The following KCNMA1 variants were observed in gnomAD, a reference collection of about 807,000 sequenced individuals.
The protein encoded by KCNMA1 is potassium calcium-activated channel subfamily M alpha 1, also known as Calcium-activated potassium channel subunit alpha-1.
A neutral mutation model predicts 140.0 loss-of-function variants in KCNMA1; 29 were observed. That is an observed-to-expected ratio of 0.21 (90% confidence interval 0.15 to 0.28). The LOEUF (loss-of-function observed/expected upper bound fraction) is 0.28. KCNMA1 is among the 10% of genes least tolerant of loss of function. The pLI is 1.00. For synonymous variants in KCNMA1, 612 were observed against 611.9 expected (o/e 1.00, Z 0.00); for missense variants, 880 against 1,602.2 (o/e 0.55, Z 7.70).
At chr10:77,030,691 A>T (rs1322515782) in intron 15 of KCNMA1, among the ~76,000 whole-genome samples, 2 of 152,184 alleles carry the variant, frequency 1.3e-5, no homozygotes, top group African/African-American at 4.8e-5. Context: ...AACTGGATAT[A>T]AAAAGAAAAG....
At chr10:77,055,234 G>C (rs988699009) in intron 14 of KCNMA1, among the ~76,000 whole-genome samples, 3 of 152,138 alleles carry the variant, frequency 2.0e-5, no homozygotes, top group Non-Finnish European at 4.4e-5. Flanking sequence ...ATAAACAATG[G>C]CAGGTAGATT....
At chr10:77,125,089 C>T (rs1262928521) in intron 5 of KCNMA1, among the ~76,000 whole-genome samples, 1 of 152,098 alleles carries the variant, frequency 6.6e-6, no homozygotes, top group Non-Finnish European at 1.5e-5. Context: ...CCCCATGATT[C>T]AATTACCTTC....
chr10:77,001,445 GAAGA>G lies in KCNMA1; in HGVS notation c.2224_2227del (p.Ser742LeufsTer43). ...GGTGGAGCAATCATTAACAGAGACA[GAAGA>G]AAGTGGGAAGGCTCTCTCAAGGGTG... On this transcript the variant is annotated frameshift_variant, in exon 19 of 28. Coordinates refer to ENST00000286628, the MANE Select transcript of KCNMA1 (RefSeq NM_001161352.2). LOFTEE classifies it high-confidence loss of function. 6.4e-7 allele frequency: 1 copy of G among 1,551,742 alleles called. No individual in the cohort carries two copies. Among genetic ancestry groups the G allele is most frequent in the Non-Finnish European group, 8.7e-7 (1 of 1,146,972 alleles).
At chr10:77,101,818 C>T (rs934709656) in intron 9 of KCNMA1, among the ~76,000 whole-genome samples, 9 of 152,166 alleles carry the variant, frequency 5.9e-5, no homozygotes, top group Non-Finnish European at 1.2e-4. Flanking sequence ...TTGCCCAAGA[C>T]ACAAGTAAAC....
At chr10:77,421,713 A>G (rs139083362) in intron 1 of KCNMA1, among the ~76,000 whole-genome samples, 59 of 152,374 alleles carry the variant, frequency 3.9e-4, no homozygotes, top group Middle Eastern at 3.4e-3. Context: ...AATGGGCCAT[A>G]CAAAAACAGA....
At chr10:77,622,634 C>G (rs528371198) in intron 1 of KCNMA1, among the ~76,000 whole-genome samples, 2 of 152,352 alleles carry the variant, frequency 1.3e-5, no homozygotes, top group East Asian at 3.9e-4. Context: ...CATTCTCATT[C>G]TCTATGCATC....
At chr10:77,134,725 G>A (rs1024318016) in intron 5 of KCNMA1, among the ~76,000 whole-genome samples, 2 of 151,982 alleles carry the variant, frequency 1.3e-5, no homozygotes, top group African/African-American at 2.4e-5. Flanking sequence ...GAGGCGGGGC[G>A]CAGTGGCTCA....
intron 5 of KCNMA1, among the ~76,000 whole-genome samples, chr10:77,128,433 T>C (rs1753839416): frequency 6.6e-6 from 1 of 151,596 alleles, no homozygotes; most frequent in East Asian, 1.9e-4. Flanking sequence ...TTTTTTTTTC[T>C]TTGTACTTTT....
intron 17 of KCNMA1, among the ~76,000 whole-genome samples, chr10:77,016,975 C>T (rs1031720090): frequency 1.3e-5 from 2 of 151,966 alleles, no homozygotes; most frequent in Admixed American, 6.6e-5. Context: ...TGGTTTTTTG[C>T]AGTCTTCATC....
intron 2 of KCNMA1, among the ~76,000 whole-genome samples, chr10:77,382,180 G>C (rs1437055062): frequency 6.6e-6 from 1 of 152,048 alleles, no homozygotes; most frequent in African/African-American, 2.4e-5. Flanking sequence ...TAAGCCTTCT[G>C]CCTGCTGGAG....
chr10:77,564,843 G>A (rs2067615269), intron 1 of KCNMA1, among the ~76,000 whole-genome samples: 1 of 152,154 alleles, frequency 6.6e-6, no homozygotes, highest in Non-Finnish European at 1.5e-5. Context: ...AGGAGTAGAG[G>A]AGTTCAGAAG....
intron 1 of KCNMA1, among the ~76,000 whole-genome samples, chr10:77,457,956 T>A (rs1283152919): frequency 1.3e-5 from 2 of 152,180 alleles, no homozygotes; most frequent in Admixed American, 6.5e-5. Flanking sequence ...GGGAAACAAA[T>A]GTAAGGCCCA....
intron 2 of KCNMA1, among the ~76,000 whole-genome samples, chr10:77,346,809 C>T (rs2092238099): frequency 6.6e-6 from 1 of 152,166 alleles, no homozygotes; most frequent in East Asian, 1.9e-4. Context: ...GGTGAAATGG[C>T]ATTATACTTC....
chr10:77,315,339 GAA>G (rs2080547182), intron 2 of KCNMA1: 2 of 152,348 alleles, frequency 1.3e-5, no homozygotes, highest in African/African-American at 2.4e-5. Flanking sequence ...AGCTCATTGA[GAA>G]AAGACAGTGT....
intron 1 of KCNMA1, among the ~76,000 whole-genome samples, chr10:77,536,713 G>C (rs2058976768): frequency 1.3e-5 from 2 of 152,168 alleles, no homozygotes; most frequent in Non-Finnish European, 2.9e-5. Context: ...ATGTCTGTCA[G>C]CTGGAAGCAA....
Position 77,188,016 on chromosome 10 carries a change from T to G in KCNMA1, c.603-3100A>C, listed in dbSNP as rs2098893560. Among the ~76,000 whole-genome samples, 4 of 152,190 alleles carry G rather than the reference T, an allele frequency of 2.6e-5. No individual in the cohort carries two copies. In the South Asian group the frequency reaches 8.3e-4, roughly 32 times the overall value. ...TGGCCATATCAACCAGGATTTATTTTCCTCCCAAAGAGACTTCATCTTAAT... is the reference window on the plus strand; with the variant it reads ...TGGCCATATCAACCAGGATTTATTTGCCTCCCAAAGAGACTTCATCTTAAT... On this transcript the variant is annotated intron_variant, in intron 3 of 27. Transcript: ENST00000286628.
At chr10:77,495,817 C>T (rs1244641254) in intron 1 of KCNMA1, among the ~76,000 whole-genome samples, 1 of 152,116 alleles carries the variant, frequency 6.6e-6, no homozygotes, top group Non-Finnish European at 1.5e-5. Flanking sequence ...GGGAAGAGAC[C>T]CCCACACCAG....
At chr10:77,411,843 T>C (rs145062561) in intron 1 of KCNMA1, among the ~76,000 whole-genome samples, 95 of 152,270 alleles carry the variant, frequency 6.2e-4, no homozygotes, top group East Asian at 5.6e-3. Context: ...GAGTATCACA[T>C]TGGAAATGAG....
At chr10:77,257,736 T>A (rs1469012987) in intron 2 of KCNMA1, among the ~76,000 whole-genome samples, 1 of 152,150 alleles carries the variant, frequency 6.6e-6, no homozygotes, top group Non-Finnish European at 1.5e-5. Context: ...GTTCCTGTGA[T>A]AGTGAATAAG....
Sources: allele counts gnomAD v4.1 joint callset (sites outside exome capture counted in the v4.1 genomes callset), GRCh38; gene constraint gnomAD v4.1.1; transcripts MANE v1.5; gene names NCBI Gene and HGNC (gene_info 2026-07-23, HGNC 2026-07-21).